DCHS2: variants seen among roughly 807,000 people sequenced by gnomAD.
DCHS2 encodes the protein protocadherin-23.
DCHS2 carries 142 observed loss-of-function variants against 182.4 expected under a neutral mutation model. The observed-to-expected ratio is 0.78, with a 90% CI of 0.68 to 0.89. DCHS2 has a LOEUF of 0.89. Ranked by LOEUF, DCHS2 falls within the 40% of genes least tolerant of loss-of-function variation. The pLI is 0.00. For synonymous variants in DCHS2, 1,740 were observed against 1,663.3 expected (o/e 1.05, Z -1.12); for missense variants, 4,319 against 4,198.6 (o/e 1.03, Z -0.79).
chr4:154,479,413 G>A (rs1397092079), intron 1 of DCHS2, among the ~76,000 whole-genome samples: 1 of 151,988 alleles, frequency 6.6e-6, no homozygotes, highest in South Asian at 2.1e-4. Context: ...TAAAGAAAAA[G>A]CACTCTCTAG....
intron 1 of DCHS2, among the ~76,000 whole-genome samples, chr4:154,430,507 C>G (rs957344767): frequency 6.6e-6 from 1 of 152,182 alleles, no homozygotes; most frequent in Non-Finnish European, 1.5e-5. Context: ...AGGATCCTCC[C>G]TGGGGAACGT....
In DCHS2 at chr4:154,232,693, T is replaced by C. The variant is rs989488286; in HGVS notation, c.*1843A>G. Reference sequence around the variant, plus strand: ...GCAATGTTTTCAAAAGAGTCAGAGATAATAAATACTGGAACACATAAATGA... The same window carrying C: ...GCAATGTTTTCAAAAGAGTCAGAGACAATAAATACTGGAACACATAAATGA... On this transcript the variant is annotated 3_prime_UTR_variant, in exon 20 of 20. Coordinates refer to ENST00000357232, the MANE Select transcript of DCHS2 (RefSeq NM_001358235.2). 1 of 151,922 alleles carries C rather than the reference T, an allele frequency of 6.6e-6. No individual in the cohort carries two copies. The highest frequency in any genetic ancestry group is 1.5e-5 in the Non-Finnish European group (1 of 67,980). 9.4% of individuals were successfully genotyped at this position (151,922 alleles called of 1,614,324 possible). A position where few individuals can be genotyped will look rare whatever the true frequency, so the allele number is the denominator to read the frequency against.
chr4:154,413,852 G>GCCCTTA (rs1263128359), intron 1 of DCHS2, among the ~76,000 whole-genome samples: 1 of 152,096 alleles, frequency 6.6e-6, no homozygotes, highest in Admixed American at 6.6e-5. Flanking sequence ...TTCCTACCAT[G>GCCCTTA]CCCTTACCCT....
Position 154,237,139 on chromosome 4 carries a change from G to T in DCHS2, c.7513C>A (p.Pro2505Thr). ...PKNGTIFTISPVLLLDTISTT... is the reference protein window; with the variant it reads ...PKNGTIFTISTVLLLDTISTT... ...GATATTGTATCCAGAAGTAATACGG[G>T]ACTGATAGTAAATATTGTGCCTGAA... Residue 2505 changes from proline to threonine, a missense_variant, in exon 20 of 20, where the codon CCC (proline) becomes ACC (threonine). Physicochemically the swap from Pro to Thr is conservative, Grantham distance 38. Coordinates refer to ENST00000357232, the MANE Select transcript of DCHS2 (RefSeq NM_001358235.2). 3 of 1,611,016 alleles carry T rather than the reference G, an allele frequency of 1.9e-6. No homozygotes were observed. The highest frequency in any genetic ancestry group is 2.2e-5 in the South Asian group (2 of 90,648).
rs1731313332 is a variant in DCHS2, at chr4:154,233,929, G to A, written c.*607C>T. 6.6e-6 allele frequency: 1 copy of A among 151,978 alleles called. No individual in the cohort carries two copies. Among genetic ancestry groups the A allele is most frequent in the Non-Finnish European group, 1.5e-5 (1 of 67,984 alleles). 9.4% of individuals were successfully genotyped at this position (151,978 alleles called of 1,614,324 possible). A position where few individuals can be genotyped will look rare whatever the true frequency, so the allele number is the denominator to read the frequency against. On this transcript the variant is annotated 3_prime_UTR_variant, in exon 20 of 20. Transcript: ENST00000357232. ...ACAGAGTTATGACAAATTTCCTTCTGAATTTTTTATTAGTTTTCCAAAAGA... is the reference window on the plus strand; with the variant it reads ...ACAGAGTTATGACAAATTTCCTTCTAAATTTTTTATTAGTTTTCCAAAAGA...
intron 1 of DCHS2, among the ~76,000 whole-genome samples, chr4:154,393,204 G>T (rs985822868): frequency 6.6e-6 from 1 of 152,160 alleles, no homozygotes; most frequent in Non-Finnish European, 1.5e-5. Context: ...AATGTTTTCA[G>T]CCCAGAAGAG....
intron 1 of DCHS2, among the ~76,000 whole-genome samples, chr4:154,392,165 C>A (rs978239145): frequency 6.6e-6 from 1 of 152,134 alleles, no homozygotes; most frequent in Non-Finnish European, 1.5e-5. Context: ...CATTGAAATG[C>A]CCATGAAGTC....
chr4:154,265,622 G>GA (rs1324026732), intron 14 of DCHS2, among the ~76,000 whole-genome samples: 2 of 151,708 alleles, frequency 1.3e-5, no homozygotes, highest in Non-Finnish European at 2.9e-5. Context: ...TTCTTTACGA[G>GA]AAAAAAAGAA....
rs141649239 is a variant in DCHS2, at chr4:154,349,244, C to T, written c.2477-14140G>A. Among the ~76,000 whole-genome samples the T allele has an allele frequency of 2.7e-4, 41 of 150,138 alleles. 1 individual carries two copies. The highest frequency in any genetic ancestry group is 9.1e-4 in the African/African-American group (36 of 39,498). ...GGAACAAAAAGTCATTTCACAGTTA[C>T]TTTCCTTGTAAAGGTTAAATCAGAT... On this transcript the variant is annotated intron_variant, in intron 3 of 19. Transcript: ENST00000357232.
chr4:154,236,732 A>G lies in DCHS2; in HGVS notation c.7920T>C (p.Ser2640=). ...CTGTGGAACTCAATGGAGGGCAGCC[A>G]CTGTCAGATGCCAGAATGACAAGCT... ...SHELVILASD[S]GCPPLSSTAV... Residue 2640 remains serine (S), a synonymous_variant, in exon 20 of 20, where the codon AGT becomes AGC. Transcript: ENST00000357232. The G allele has an allele frequency of 6.2e-7, 1 of 1,614,016 alleles. No individual in the cohort carries two copies. The highest frequency in any genetic ancestry group is 8.5e-7 in the Non-Finnish European group (1 of 1,179,964).
intron 3 of DCHS2, among the ~76,000 whole-genome samples, chr4:154,341,777 C>T (rs1729119777): frequency 6.6e-6 from 1 of 152,128 alleles, no homozygotes. Flanking sequence ...CTGTGCGTAT[C>T]CATAGGCTAA....
At chr4:154,388,601 T>C (rs2110840003) in intron 1 of DCHS2, among the ~76,000 whole-genome samples, 1 of 151,830 alleles carries the variant, frequency 6.6e-6, no homozygotes, top group East Asian at 1.9e-4. Context: ...TTCAAGTGAT[T>C]CTCCTGCCTC....
chr4:154,425,369 T>G (rs1733283123), intron 1 of DCHS2, among the ~76,000 whole-genome samples: 1 of 152,198 alleles, frequency 6.6e-6, no homozygotes, highest in South Asian at 2.1e-4. Context: ...CTAAGTAAAA[T>G]TTCTGAGCTG....
chr4:154,360,407 C>G (rs1333774485), intron 3 of DCHS2, among the ~76,000 whole-genome samples: 1 of 152,030 alleles, frequency 6.6e-6, no homozygotes, highest in African/African-American at 2.4e-5. Context: ...TACGAGAAAC[C>G]TAATGAAGAA....
intron 19 of DCHS2, among the ~76,000 whole-genome samples, chr4:154,238,408 A>T (rs1020433998): frequency 9.2e-5 from 14 of 152,182 alleles, no homozygotes; most frequent in South Asian, 2.1e-4. Flanking sequence ...GGGAACACAG[A>T]GTGTGATGTC....
At chr4:154,316,041 C>A in intron 9 of DCHS2, 54 bp from the exon 10 acceptor site, 1 of 1,596,994 alleles carries the variant, frequency 6.3e-7, no homozygotes, top group Non-Finnish European at 8.5e-7. Context: ...TTAGAGAAGT[C>A]ATGCTTACTC....
At chr4:154,437,648 CTT>C (rs1733835639) in intron 1 of DCHS2, among the ~76,000 whole-genome samples, 1 of 152,072 alleles carries the variant, frequency 6.6e-6, no homozygotes, top group Admixed American at 6.6e-5. Context: ...TGCAAATAAA[CTT>C]TGATTTTGAG....
At chr4:154,429,129 G>A (rs929051110) in intron 1 of DCHS2, among the ~76,000 whole-genome samples, 12 of 152,116 alleles carry the variant, frequency 7.9e-5, no homozygotes, top group African/African-American at 2.9e-4. Context: ...CAACTATGAG[G>A]GGATATCGTT....
intron 1 of DCHS2, among the ~76,000 whole-genome samples, chr4:154,472,212 T>A (rs947617181): frequency 5.3e-5 from 8 of 152,200 alleles, no homozygotes; most frequent in African/African-American, 1.9e-4. Context: ...TCTTCTATAC[T>A]TTATCCCCTT....
Sources: allele counts gnomAD v4.1 joint callset (sites outside exome capture counted in the v4.1 genomes callset), GRCh38; gene constraint gnomAD v4.1.1; transcripts MANE v1.5; gene names NCBI Gene and HGNC (gene_info 2026-07-23, HGNC 2026-07-21).